MMAA: variants seen among roughly 807,000 people sequenced by gnomAD.
The protein encoded by MMAA is methylmalonic aciduria type A protein, mitochondrial.
A neutral mutation model predicts 45.0 loss-of-function variants in MMAA; 41 were observed. The observed-to-expected ratio is 0.91, with a 90% confidence interval of 0.71 to 1.18. The LOEUF is 1.18. Among genes scored for constraint, MMAA ranks in the 50% most tolerant of loss-of-function variants. The pLI is 0.00. For synonymous variants in MMAA, 154 were observed against 178.2 expected (o/e 0.86, Z 1.08); for missense variants, 460 against 495.7 (o/e 0.93, Z 0.68).
In MMAA at chr4:145,639,225, ACT is replaced by A; in HGVS notation, c.88_89del (p.Ser30LysfsTer15). The A allele has an allele frequency of 5.6e-6, 9 of 1,613,994 alleles. No individual in the cohort carries two copies. Among genetic ancestry groups the A allele is most frequent in the Non-Finnish European group, 7.6e-6 (9 of 1,179,990 alleles). On this transcript the variant is annotated frameshift_variant, in exon 2 of 7. Transcript: ENST00000649156. LOFTEE classifies it high-confidence loss of function. ...TTCCGATGTTACCACTTCATCTTTC[ACT>A]CAAGTACTCATCTCGGATCAGGAAT...
intron 4 of MMAA, 23 bp from the exon 5 acceptor site, chr4:145,651,039 A>G (rs1728074007): frequency 6.2e-7 from 1 of 1,601,868 alleles, no homozygotes; most frequent in Non-Finnish European, 8.6e-7. Context: ...ATTTTAGGAT[A>G]TAGTTGTGAT....
rs774790573 is a variant in MMAA, at chr4:145,639,481, G to C, written c.342G>C (p.Arg114Ser). ...CTCTTGTAGAATCAACTCACAGCAG[G>C]AAAAAGGAGTTAGCCCAGGTGCTTC... ...AITLVESTHS[R>S]KKELAQVLLQ... The change falls in exon 2 of 7, where the codon AGG (arginine) becomes AGC (serine). Residue 114 changes from arginine to serine, a missense_variant. Transcript: ENST00000649156. 1.3e-5 allele frequency: 21 copies of C among 1,613,806 alleles called. No individual in the cohort carries two copies. The highest frequency in any genetic ancestry group is 1.8e-5 in the Non-Finnish European group (21 of 1,179,986).
At position 145,656,064 on chromosome 4, in the gene MMAA, T is replaced by C. The variant is rs958343240; in HGVS notation, c.*630T>C. On this transcript the variant is annotated 3_prime_UTR_variant, in exon 7 of 7. Transcript: ENST00000649156. ...GAGAGCAAAAGGGAACTGGGAAAAA[T>C]CAGCTACAAATAAAATGGGTGACTA... is the stretch of plus-strand genomic sequence containing the variant. 1 of 152,070 alleles carries C rather than the reference T, an allele frequency of 6.6e-6. No individual in the cohort carries two copies. The highest frequency in any genetic ancestry group is 1.5e-5 in the Non-Finnish European group (1 of 68,008). 9.4% of individuals were successfully genotyped at this position (152,070 alleles called of 1,614,324 possible).
At chr4:145,625,802 A>C in intron 1 of MMAA, 1 of 1,154,116 alleles carries the variant, frequency 8.7e-7, no homozygotes, top group Admixed American at 1.7e-5. Flanking sequence ...CTTTAAGCTG[A>C]TAGATGAGGT....
At position 145,624,285 on chromosome 4, in the gene MMAA, A is replaced by T. The variant is rs1578868031; in HGVS notation, c.-66+4878A>T. 5 of 795,710 alleles carry T rather than the reference A, an allele frequency of 6.3e-6. No individual in the cohort carries two copies. In the East Asian group the frequency reaches 1.2e-4, roughly 19 times the overall value. 49.3% of individuals were successfully genotyped at this position (795,710 alleles called of 1,614,324 possible). On this transcript the variant is annotated intron_variant, in intron 1 of 6. Coordinates refer to ENST00000649156, the MANE Select transcript of MMAA (RefSeq NM_172250.3). The stretch of plus-strand genomic sequence containing the variant: ...GGGGGAAGTTATATTCCTCCTGTAG[A>T]GGTGAATTAAGTAATACTTCTAGGT...
In MMAA at chr4:145,624,057, A is replaced by G. The variant is rs145245645; in HGVS notation, c.-66+4650A>G. On this transcript the variant is annotated intron_variant, in intron 1 of 6. Transcript: ENST00000649156. ...AATTAGGCAGGAGAAGAACTAAGCT[A>G]ACTGGTCAGACCCAGAAACACAATG... 1.3e-4 allele frequency: 102 copies of G among 796,662 alleles called. No homozygotes were observed. The East Asian group carries it at 2.4e-3, about 19-fold the overall frequency. 49.3% of individuals were successfully genotyped at this position (796,662 alleles called of 1,614,324 possible). A position where few individuals can be genotyped will look rare whatever the true frequency, so the allele number is the denominator to read the frequency against.
intron 4 of MMAA, 136 bp from the exon 5 acceptor site, chr4:145,650,926 A>G (rs1444794549): frequency 1.3e-6 from 1 of 769,022 alleles, no homozygotes; most frequent in Non-Finnish European, 2.3e-6. Context: ...CAGAAGTGAG[A>G]TGTTTAAAGG....
chr4:145,631,111 A>G (rs1481272259), intron 1 of MMAA, among the ~76,000 whole-genome samples: 1 of 152,230 alleles, frequency 6.6e-6, no homozygotes, highest in Non-Finnish European at 1.5e-5. Flanking sequence ...AAAGAGAAGA[A>G]TGTGTTTTCC....
rs1295607050 is a variant in MMAA at position 145,624,915 on chromosome 4, AG to A, written c.-66+5510del. The A allele has an allele frequency of 4.7e-6, 7 of 1,484,918 alleles. No homozygotes were observed. In the African/African-American group the frequency reaches 9.7e-5, roughly 21 times the overall value. The allele number at this position is 1,484,918 out of a possible 1,614,324, so 92.0% of individuals were successfully genotyped here. On this transcript the variant is annotated intron_variant, in intron 1 of 6. Coordinates refer to ENST00000649156, the MANE Select transcript of MMAA (RefSeq NM_172250.3). ...TTTCTTGGCCCCCAAGTGGTCATGC[AG>A]GCACTTAGATTGCCCACGTTTTCCA...
chr4:145,646,002 T>C lies in MMAA; in HGVS notation c.579T>C (p.Asp193=), dbSNP rs1727918993. The C allele has an allele frequency of 6.2e-7, 1 of 1,613,996 alleles. No homozygotes were observed. The highest frequency in any genetic ancestry group is 8.5e-7 in the Non-Finnish European group (1 of 1,179,938). ...ATGTTTTAGGATCACTCTTAGGTGATAAAACCCGAATGACTGAGTTATCAA... is the reference window on the plus strand; with the variant it reads ...ATGTTTTAGGATCACTCTTAGGTGACAAAACCCGAATGACTGAGTTATCAA... The part of the protein sequence containing the change: ...SCTSGGSLLG[D]KTRMTELSRD... Residue 193 remains aspartate, a synonymous_variant, in exon 4 of 7, where the codon GAT becomes GAC. Transcript: ENST00000649156.
chr4:145,621,736 A>G (rs1038276809), intron 1 of MMAA, among the ~76,000 whole-genome samples: 1 of 152,180 alleles, frequency 6.6e-6, no homozygotes, highest in South Asian at 2.1e-4. Flanking sequence ...ACACTGATCT[A>G]CTGTATTGAT....
chr4:145,646,009 C>G lies in MMAA; in HGVS notation c.586C>G (p.Arg196Gly). The G allele has an allele frequency of 1.2e-6, 2 of 1,613,782 alleles. No homozygotes were observed. The highest frequency in any genetic ancestry group is 1.7e-6 in the Non-Finnish European group (2 of 1,179,876). ...AGGATCACTCTTAGGTGATAAAACC[C>G]GAATGACTGAGTTATCAAGAGATAT... ...SGGSLLGDKT[R>G]MTELSRDMNA... Residue 196 changes from arginine (R) to glycine (G), a missense_variant, in exon 4 of 7, where the codon CGA becomes GGA. Arg to Gly is a moderately radical substitution (Grantham distance 125, BLOSUM62 -2). Coordinates refer to ENST00000649156, the MANE Select transcript of MMAA (RefSeq NM_172250.3).
chr4:145,646,861 T>C (rs992523409), intron 4 of MMAA, among the ~76,000 whole-genome samples: 1 of 151,618 alleles, frequency 6.6e-6, no homozygotes, highest in South Asian at 2.1e-4. Flanking sequence ...GAGCAAAGAG[T>C]GTGAAGGCAG....
At position 145,658,471 on chromosome 4, in the gene MMAA, A is replaced by G. The variant is rs1728294728; in HGVS notation, c.*3037A>G. 6.6e-6 allele frequency: 1 copy of G among 152,186 alleles called. No individual in the cohort carries two copies. Among genetic ancestry groups the G allele is most frequent in the African/African-American group, 2.4e-5 (1 of 41,450 alleles). 9.4% of individuals were successfully genotyped at this position (152,186 alleles called of 1,614,324 possible). On this transcript the variant is annotated 3_prime_UTR_variant, in exon 7 of 7. Transcript: ENST00000649156. Reference sequence around the variant, plus strand: ...GTGCTGAGCTCCAAAACTGACAGACATTTTGCTAAAACAATATCAAATCTC... The same window carrying G: ...GTGCTGAGCTCCAAAACTGACAGACGTTTTGCTAAAACAATATCAAATCTC...
intron 1 of MMAA, among the ~76,000 whole-genome samples, chr4:145,634,231 G>A (rs779166256): frequency 5.3e-5 from 8 of 152,132 alleles, no homozygotes; most frequent in Admixed American, 2.0e-4. Flanking sequence ...GGAAATCTAC[G>A]TGATGCTGTG....
intron 1 of MMAA, chr4:145,625,391 G>A (rs1160162805): frequency 8.6e-6 from 6 of 701,590 alleles, no homozygotes; most frequent in Non-Finnish European, 1.4e-5. Context: ...TATGTAAGGA[G>A]CCTAATGACC....
At chr4:145,638,152 G>A (rs995002281) in intron 1 of MMAA, among the ~76,000 whole-genome samples, 15 of 152,156 alleles carry the variant, frequency 9.9e-5, no homozygotes, top group African/African-American at 2.7e-4. Context: ...GGCGGCTCAC[G>A]AGGTCAGGAG....
At chr4:145,647,000 AG>A (rs1327042475) in intron 4 of MMAA, among the ~76,000 whole-genome samples, 1 of 152,134 alleles carries the variant, frequency 6.6e-6, no homozygotes, top group East Asian at 1.9e-4. Context: ...TAAGCAGGAG[AG>A]TGAGAAAACC....
intron 3 of MMAA, among the ~76,000 whole-genome samples, chr4:145,645,636 C>G (rs912150915): frequency 3.9e-5 from 6 of 152,028 alleles, no homozygotes; most frequent in African/African-American, 1.4e-4. Context: ...AAAGATGGGA[C>G]GAAGCAAACA....
Sources: gnomAD v4.1 joint callset for allele counts (sites outside exome capture counted in the v4.1 genomes callset) on GRCh38, gnomAD v4.1.1 for gene constraint, MANE v1.5 for transcripts, NCBI Gene and HGNC (gene_info 2026-07-23, HGNC 2026-07-21) for gene names.